The following NCOA2 variants were observed in gnomAD, a reference collection of about 807,000 sequenced individuals.
NCOA2 encodes the protein class E basic helix-loop-helix protein 75.
In NCOA2, 21 loss-of-function variants were observed where a neutral mutation model predicts 145.1. The ratio of observed to expected loss-of-function variants is 0.14; its 90% confidence interval spans 0.10 to 0.21. NCOA2 has a LOEUF of 0.21. Ranked by LOEUF, NCOA2 falls within the 10% of genes least tolerant of loss-of-function variation. The probability of loss-of-function intolerance (pLI) is 1.00; values close to 1 mark genes in which losing one functional copy is unlikely to be tolerated. For synonymous variants in NCOA2, 619 were observed against 637.5 expected (o/e 0.97, Z 0.44); for missense variants, 1,472 against 1,837.6 (o/e 0.80, Z 3.64).
chr8:70,186,277 A>G, intron 4 of NCOA2, among the ~76,000 whole-genome samples: 1 of 152,188 alleles, frequency 6.6e-6, no homozygotes, highest in Admixed American at 6.5e-5. Context: ...AAAGAATAAT[A>G]TTTATATCAT....
intron 6 of NCOA2, among the ~76,000 whole-genome samples, chr8:70,169,792 T>A (rs1396714046): frequency 6.6e-6 from 1 of 152,156 alleles, no homozygotes; most frequent in Non-Finnish European, 1.5e-5. Context: ...ACAATCTTAA[T>A]GAAAATAGTT....
intron 3 of NCOA2, among the ~76,000 whole-genome samples, chr8:70,214,497 T>C (rs990809698): frequency 6.6e-6 from 1 of 152,242 alleles, no homozygotes; most frequent in African/African-American, 2.4e-5. Context: ...ATAACAGGAA[T>C]AAATTTCAAT....
chr8:70,344,594 T>C (rs1198483822), intron 1 of NCOA2, among the ~76,000 whole-genome samples: 1 of 152,178 alleles, frequency 6.6e-6, no homozygotes, highest in Non-Finnish European at 1.5e-5. Context: ...CACTGATTAA[T>C]GGTGAGCTGT....
intron 19 of NCOA2, among the ~76,000 whole-genome samples, chr8:70,125,508 G>A (rs928862047): frequency 6.6e-6 from 1 of 152,022 alleles, no homozygotes; most frequent in African/African-American, 2.4e-5. Flanking sequence ...AGAGATTCTT[G>A]GCCTCCCAAA....
intron 2 of NCOA2, among the ~76,000 whole-genome samples, chr8:70,236,639 G>T (rs185971148): frequency 2.0e-5 from 3 of 151,922 alleles, no homozygotes; most frequent in East Asian, 1.9e-4. Flanking sequence ...TTCTGTATTC[G>T]CAGATTCAGC....
At chr8:70,285,837 A>G (rs1826193656) in intron 2 of NCOA2, among the ~76,000 whole-genome samples, 1 of 152,204 alleles carries the variant, frequency 6.6e-6, no homozygotes. Flanking sequence ...TGTAATCAAC[A>G]AGTTCCATTT....
intron 2 of NCOA2, among the ~76,000 whole-genome samples, chr8:70,229,686 G>T (rs926180102): frequency 6.6e-6 from 1 of 152,136 alleles, no homozygotes; most frequent in Non-Finnish European, 1.5e-5. Context: ...TCCTACCTGA[G>T]CCAGCACGAC....
At chr8:70,186,083 T>A (rs1816041175) in intron 4 of NCOA2, among the ~76,000 whole-genome samples, 1 of 152,008 alleles carries the variant, frequency 6.6e-6, no homozygotes, top group African/African-American at 2.4e-5. Context: ...TCTCTCACTC[T>A]CTCTCTCTCT....
chr8:70,320,608 A>G (rs941382930), intron 1 of NCOA2, among the ~76,000 whole-genome samples: 2 of 152,170 alleles, frequency 1.3e-5, no homozygotes, highest in Admixed American at 6.5e-5. Flanking sequence ...GGAAAATGAA[A>G]CTTGCAAAAG....
At chr8:70,409,503 G>A in the NCOA2 span, among the ~76,000 whole-genome samples, 1 of 152,192 alleles carries the variant, frequency 6.6e-6, no homozygotes, top group Non-Finnish European at 1.5e-5. Context: ...TCAGTTTGGA[G>A]AAAATAGTGA....
chr8:70,229,051 T>C (rs189547371), intron 2 of NCOA2, among the ~76,000 whole-genome samples: 2 of 152,394 alleles, frequency 1.3e-5, no homozygotes, highest in Non-Finnish European at 2.9e-5. Context: ...GGCAAAAATA[T>C]ATTTGAACAA....
At chr8:70,348,602 C>T (rs1808886804) in intron 1 of NCOA2, among the ~76,000 whole-genome samples, 1 of 152,048 alleles carries the variant, frequency 6.6e-6, no homozygotes, top group African/African-American at 2.4e-5. Context: ...TAAGGGAGGT[C>T]ATGTATACAT....
intron 1 of NCOA2, among the ~76,000 whole-genome samples, chr8:70,378,321 C>A (rs553390330): frequency 3.3e-5 from 5 of 151,918 alleles, no homozygotes; most frequent in Admixed American, 1.3e-4. Flanking sequence ...TATTTTAAAT[C>A]TTTTATATAC....
Position 70,378,121 on chromosome 8 carries a change from C to T in NCOA2, c.-77+25579G>A, listed in dbSNP as rs1000527058. The stretch of plus-strand genomic sequence containing the variant: ...TCAGTAACATAGGCTTAAGAGATAC[C>T]GCTTACACAGCATATAAACCACCTT... On this transcript the variant is annotated intron_variant, in intron 1 of 22. Coordinates refer to ENST00000452400, the MANE Select transcript of NCOA2 (RefSeq NM_006540.4). Among the ~76,000 whole-genome samples the T allele has an allele frequency of 3.5e-4, 53 of 152,032 alleles. 1 individual carries two copies. The highest frequency in any genetic ancestry group is 1.0e-4 in the Non-Finnish European group (7 of 67,994).
At chr8:70,404,553 C>T (rs1814679536), upstream of NCOA2, among the ~76,000 whole-genome samples, 1 of 152,242 alleles carries the variant, frequency 6.6e-6, no homozygotes, top group African/African-American at 2.4e-5. Context: ...CAGGGAGAGG[C>T]TTCTCCCATT....
intron 1 of NCOA2, among the ~76,000 whole-genome samples, chr8:70,367,541 G>C (rs566062812): frequency 6.6e-6 from 1 of 152,144 alleles, no homozygotes; most frequent in African/African-American, 2.4e-5. Context: ...CTGCACAGAG[G>C]GACCAATAAT....
At chr8:70,276,197 A>C (rs1825451713) in intron 2 of NCOA2, among the ~76,000 whole-genome samples, 1 of 152,216 alleles carries the variant, frequency 6.6e-6, no homozygotes, top group African/African-American at 2.4e-5. Context: ...GAAAAGAGAA[A>C]AAGAAATTAA....
chr8:70,449,497 G>A, the NCOA2 span, among the ~76,000 whole-genome samples: 1 of 152,234 alleles, frequency 6.6e-6, no homozygotes, highest in Admixed American at 6.5e-5. Flanking sequence ...ACCCCTTGTA[G>A]GTCCTGAAGG....
At chr8:70,439,132 C>CT in the NCOA2 span, among the ~76,000 whole-genome samples, 691 of 152,204 alleles carry the variant, frequency 4.5e-3, 3 homozygotes, top group African/African-American at 0.016. Context: ...AAAATACTGC[C>CT]TTTTTTTCCT....
Sources: allele counts gnomAD v4.1 joint callset (sites outside exome capture counted in the v4.1 genomes callset), GRCh38; gene constraint gnomAD v4.1.1; transcripts MANE v1.5; gene names NCBI Gene and HGNC (gene_info 2026-07-23, HGNC 2026-07-21).